The following PTPN11 variants were observed in gnomAD, a reference collection of about 807,000 sequenced individuals.
PTPN11 encodes protein tyrosine phosphatase non-receptor type 11.
PTPN11 carries 6 observed loss-of-function variants against 78.8 expected under a neutral mutation model. The observed-to-expected ratio is 0.08, with a 90% CI of 0.04 to 0.15. The LOEUF (loss-of-function observed/expected upper bound fraction) is 0.15, where lower values mean the gene tolerates loss of function less well. Ranked by LOEUF, PTPN11 falls within the 10% of genes least tolerant of loss-of-function variation. The pLI is 1.00. For synonymous variants in PTPN11, 221 were observed against 263.5 expected, an observed-to-expected ratio of 0.84 and a Z score of 1.56; for missense variants, 386 against 744.8, an observed-to-expected ratio of 0.52 and a Z score of 5.61.
At chr12:112,428,396 C>CTTTTTTT (rs11312766) in intron 1 of PTPN11, among the ~76,000 whole-genome samples, 3 of 84,462 alleles carry the variant, frequency 3.6e-5, no homozygotes, top group Non-Finnish European at 7.1e-5. Flanking sequence ...TGTGTGTTGT[C>CTTTTTTT]TTTTTTTTTT....
chr12:112,425,013 T>A (rs2037593728), intron 1 of PTPN11, among the ~76,000 whole-genome samples: 1 of 142,154 alleles, frequency 7.0e-6, no homozygotes, highest in Non-Finnish European at 1.5e-5. Context: ...TGTGTGTATG[T>A]AGAGATGGGG....
At chr12:112,441,046 C>T (rs1037703860) in intron 1 of PTPN11, among the ~76,000 whole-genome samples, 1 of 150,878 alleles carries the variant, frequency 6.6e-6, no homozygotes, top group Non-Finnish European at 1.5e-5. Context: ...CTCACCGCAC[C>T]CTCCGCTTCC....
At chr12:112,429,134 A>G (rs1017853172) in intron 1 of PTPN11, among the ~76,000 whole-genome samples, 8 of 152,206 alleles carry the variant, frequency 5.3e-5, no homozygotes, top group African/African-American at 1.7e-4. Context: ...AATGACATAC[A>G]TGTCACAATT....
intron 2 of PTPN11, among the ~76,000 whole-genome samples, chr12:112,446,724 A>T (rs1012020999): frequency 1.3e-5 from 2 of 151,792 alleles, no homozygotes; most frequent in African/African-American, 2.4e-5. Context: ...TTATTTAAAA[A>T]TTTTATTTCT....
At chr12:112,483,811 GAGGGTGGTGTGC>G (rs2038633964) in intron 10 of PTPN11, among the ~76,000 whole-genome samples, 2 of 152,182 alleles carry the variant, frequency 1.3e-5, no homozygotes, top group African/African-American at 4.8e-5. Context: ...TACCAAGGGC[GAGGGTGGTGTGC>G]AGGGTGACTG....
In PTPN11 at chr12:112,508,432, AG is replaced by A. The variant is rs2038962540; in HGVS notation, c.*2642del. ...AAGTTTTAAAAAAAAAGTTGTGGAA[AG>A]GAAAGTTCCAAAGAGGTGGTTTCTG... On this transcript the variant is annotated 3_prime_UTR_variant, in exon 16 of 16. Transcript: ENST00000351677. 6.6e-6 allele frequency: 1 copy of A among 152,302 alleles called. No individual in the cohort carries two copies. Among genetic ancestry groups the A allele is most frequent in the Non-Finnish European group, 1.5e-5 (1 of 68,052 alleles). The allele number at this position is 152,302 out of a possible 1,614,324, so 9.4% of individuals were successfully genotyped here. A position where few individuals can be genotyped will look rare whatever the true frequency, so the allele number is the denominator to read the frequency against.
intron 1 of PTPN11, among the ~76,000 whole-genome samples, chr12:112,424,103 G>A (rs999965264): frequency 7.2e-5 from 11 of 152,076 alleles, no homozygotes; most frequent in Non-Finnish European, 1.5e-4. Flanking sequence ...CATCCCACTG[G>A]CCTACTCTAA....
chr12:112,428,784 G>A (rs2037663451), intron 1 of PTPN11: 1 of 157,516 alleles, frequency 6.3e-6, no homozygotes. Flanking sequence ...TTTAGCTCTT[G>A]TTGCCCAGGC....
intron 9 of PTPN11, among the ~76,000 whole-genome samples, chr12:112,480,116 T>A (rs1314463879): frequency 6.6e-6 from 1 of 152,184 alleles, no homozygotes; most frequent in African/African-American, 2.4e-5. Context: ...AGGGCTGATG[T>A]TTAAAGTTAG....
intron 1 of PTPN11, among the ~76,000 whole-genome samples, chr12:112,419,403 A>G (rs935183638): frequency 3.3e-5 from 5 of 152,126 alleles, no homozygotes; most frequent in Non-Finnish European, 4.4e-5. Context: ...AGAGCCGCCG[A>G]GGGAACCACG....
chr12:112,492,424 G>A (rs2038757285), intron 13 of PTPN11, among the ~76,000 whole-genome samples: 2 of 151,734 alleles, frequency 1.3e-5, no homozygotes, highest in African/African-American at 4.8e-5. Flanking sequence ...TCCCTTTTAA[G>A]TTAATCTCTT....
At chr12:112,459,780 T>A (rs893891115) in intron 6 of PTPN11, among the ~76,000 whole-genome samples, 1 of 152,012 alleles carries the variant, frequency 6.6e-6, no homozygotes, top group Non-Finnish European at 1.5e-5. Flanking sequence ...GAAGCAAATC[T>A]TAACACATCA....
intron 11 of PTPN11, chr12:112,486,912 A>T: frequency 2.9e-6 from 4 of 1,379,910 alleles, no homozygotes; most frequent in East Asian, 5.6e-5. Flanking sequence ...GCATTAAACA[A>T]CTTCATCCTG....
chr12:112,443,653 CTTTT>C (rs150851094), intron 1 of PTPN11, among the ~76,000 whole-genome samples: 5 of 131,698 alleles, frequency 3.8e-5, no homozygotes, highest in African/African-American at 5.7e-5. Flanking sequence ...TGTGCCCGGT[CTTTT>C]TTTTTTTTTT....
chr12:112,467,014 G>A (rs777960073), intron 6 of PTPN11, among the ~76,000 whole-genome samples: 6 of 152,120 alleles, frequency 3.9e-5, no homozygotes, highest in Non-Finnish European at 7.3e-5. Flanking sequence ...TTTGGTCATT[G>A]CAGTCACTGG....
intron 1 of PTPN11, among the ~76,000 whole-genome samples, chr12:112,423,923 C>G (rs2037564055): frequency 6.6e-6 from 1 of 151,310 alleles, no homozygotes; most frequent in Non-Finnish European, 1.5e-5. Flanking sequence ...TCCAATTTTT[C>G]TATTTTTTTG....
At chr12:112,468,701 C>T (rs1277360019) in intron 6 of PTPN11, among the ~76,000 whole-genome samples, 1 of 152,106 alleles carries the variant, frequency 6.6e-6, no homozygotes, top group Non-Finnish European at 1.5e-5. Context: ...ACCCAGCAGC[C>T]ATCTTGACTG....
chr12:112,445,522 A>G (rs1163666293), intron 1 of PTPN11, among the ~76,000 whole-genome samples: 1 of 152,132 alleles, frequency 6.6e-6, no homozygotes, highest in Admixed American at 6.5e-5. Context: ...TCCAATTACA[A>G]TCTAACATCA....
At chr12:112,455,804 T>A in intron 5 of PTPN11, 146 bp from the exon 6 acceptor site, 2 of 651,528 alleles carry the variant, frequency 3.1e-6, no homozygotes, top group Non-Finnish European at 5.5e-6. Flanking sequence ...ATTTGAAAAC[T>A]TTTATTGTGA....
Sources: gnomAD v4.1 joint callset for allele counts (sites outside exome capture counted in the v4.1 genomes callset) on GRCh38, gnomAD v4.1.1 for gene constraint, MANE v1.5 for transcripts, NCBI Gene and HGNC (gene_info 2026-07-23, HGNC 2026-07-21) for gene names.